Variants in MGAM observed in about 807,000 individuals in gnomAD.
MGAM encodes maltase-glucoamylase, also known as alpha-1,4-glucosidase.
In MGAM, 253 loss-of-function variants were observed where a neutral mutation model predicts 358.8. The ratio of observed to expected loss-of-function variants is 0.71; its 90% confidence interval spans 0.64 to 0.78. The LOEUF is 0.78. Among genes scored for constraint, MGAM ranks in the 30% least tolerant of loss-of-function variants. The probability of loss-of-function intolerance (pLI) is 0.00; values close to 1 mark genes in which losing one functional copy is unlikely to be tolerated. For synonymous variants in MGAM, 1,105 were observed against 1,227.1 expected, an observed-to-expected ratio of 0.90 and a Z score of 2.08; for missense variants, 3,080 against 3,432.6, an observed-to-expected ratio of 0.90 and a Z score of 2.57.
intron 30 of MGAM, among the ~76,000 whole-genome samples, chr7:142,057,386 A>T (rs1405990960): frequency 6.7e-6 from 1 of 149,826 alleles, no homozygotes; most frequent in Non-Finnish European, 1.5e-5. Flanking sequence ...GGTGGGGCTG[A>T]CGATGGTGTT....
chr7:142,056,862 T>A lies in MGAM; in HGVS notation c.3613T>A (p.Tyr1205Asn), dbSNP rs777913178. ...GTTCCAGCCCCTGCCTGCCTTGACATACCGCACCACAGGGGGAGTTCTGGA... is the reference window on the plus strand; with the variant it reads ...GTTCCAGCCCCTGCCTGCCTTGACAAACCGCACCACAGGGGGAGTTCTGGA... ...VTFQPLPALT[Y>N]RTTGGVLDFY... Residue 1205 changes from tyrosine to asparagine, a missense_variant, in exon 30 of 71, where the codon TAC becomes AAC. Tyr to Asn is a moderately radical substitution (Grantham distance 143). Transcript: ENST00000475668. The A allele has an allele frequency of 6.2e-7, 1 of 1,613,896 alleles. No individual in the cohort carries two copies. The highest frequency in any genetic ancestry group is 1.1e-5 in the South Asian group (1 of 91,082).
At chr7:142,003,771 TG>T (rs1242170926) in intron 1 of MGAM, among the ~76,000 whole-genome samples, 1 of 151,794 alleles carries the variant, frequency 6.6e-6, no homozygotes, top group East Asian at 1.9e-4. Context: ...ACCAACAGAA[TG>T]GGTTAAAATA....
chr7:142,079,102 T>C, intron 49 of MGAM, 94 bp downstream of exon 49: 1 of 1,107,798 alleles, frequency 9.0e-7, no homozygotes, highest in Non-Finnish European at 1.3e-6. Flanking sequence ...AATAAGTTAA[T>C]CATGCTACAT....
chr7:142,075,458 G>T lies in MGAM; in HGVS notation c.5276-745G>T, dbSNP rs550514751. Among the ~76,000 whole-genome samples, 76 of 146,284 alleles carry T rather than the reference G, an allele frequency of 5.2e-4. 5 individuals are homozygous for T. Among genetic ancestry groups the T allele is most frequent in the African/African-American group, 1.8e-3 (74 of 41,212 alleles). On this transcript the variant is annotated intron_variant, in intron 45 of 70. Transcript: ENST00000475668. The stretch of plus-strand genomic sequence containing the variant: ...AGGCGTGACTACATCAAACTAAAAG[G>T]CTCCTGCACAGCAAAAGAAACAATC...
At chr7:142,039,645 C>A (rs1748003665) in intron 19 of MGAM, among the ~76,000 whole-genome samples, 1 of 152,078 alleles carries the variant, frequency 6.6e-6, no homozygotes, top group Non-Finnish European at 1.5e-5. Context: ...TGACTTGCTC[C>A]ATGACGTAGA....
At chr7:142,096,008 G>A in intron 64 of MGAM, 1 of 600,708 alleles carries the variant, frequency 1.7e-6, no homozygotes, top group South Asian at 2.1e-5. Context: ...GTTATATGTA[G>A]CCAGATCACA....
chr7:142,082,839 C>T lies in MGAM; in HGVS notation c.6268+268C>T, dbSNP rs116734679. On this transcript the variant is annotated intron_variant, in intron 52 of 70. Transcript: ENST00000475668. Reference sequence around the variant, plus strand: ...GTCCCAAATGTCTTGGAGGTCAGCTCGTGAGAGCCAGTTATAAAATTTGAA... The same window carrying T: ...GTCCCAAATGTCTTGGAGGTCAGCTTGTGAGAGCCAGTTATAAAATTTGAA... Among the ~76,000 whole-genome samples, 306 of 145,748 alleles carry T rather than the reference C, an allele frequency of 2.1e-3. 7 individuals are homozygous for T. Among genetic ancestry groups the T allele is most frequent in the African/African-American group, 6.6e-3 (272 of 41,116 alleles).
intron 3 of MGAM, among the ~76,000 whole-genome samples, chr7:142,011,009 A>G (rs782361135): frequency 6.6e-6 from 1 of 152,186 alleles, no homozygotes; most frequent in Non-Finnish European, 1.5e-5. Context: ...ATACTTTTAA[A>G]TCCTTTGATT....
intron 66 of MGAM, among the ~76,000 whole-genome samples, chr7:142,099,192 C>T (rs1033286954): frequency 1.3e-5 from 2 of 152,134 alleles, no homozygotes; most frequent in Admixed American, 6.5e-5. Context: ...GGCTGACATC[C>T]GAGGATTCTG....
At chr7:142,012,658 T>C (rs542531626) in intron 3 of MGAM, among the ~76,000 whole-genome samples, 119 of 152,336 alleles carry the variant, frequency 7.8e-4, no homozygotes, top group African/African-American at 2.8e-3. Flanking sequence ...TTATATGTAG[T>C]GATTTTGTAA....
At chr7:141,994,788 C>G (rs1320896175), upstream of MGAM, among the ~76,000 whole-genome samples, 1 of 152,196 alleles carries the variant, frequency 6.6e-6, no homozygotes, top group Non-Finnish European at 1.5e-5. Flanking sequence ...CTTGCTCACT[C>G]TCTCTGGCCT....
Position 142,068,663 on chromosome 7 carries a change from C to T in MGAM, c.5021C>T (p.Thr1674Ile). ...TCATTTTAGAATGCCAGAAATGTCA[C>T]TGCATATTTCCCTAGAGCCCGTTGG... is the stretch of plus-strand genomic sequence containing the variant. The part of the protein sequence containing the change: ...PVLERNARNV[T>I]AYFPRARWYD... Residue 1674 changes from threonine to isoleucine, a missense_variant, in exon 43 of 71, where the codon ACT becomes ATT. By Grantham distance (89) the Thr-to-Ile change is moderately conservative (BLOSUM62 -1). Around this residue, in one of 5 missense-constraint regions of MGAM, gnomAD observed 932 missense variants for 1,198.2 expected, o/e 0.78. Coordinates refer to ENST00000475668, the MANE Select transcript of MGAM (RefSeq NM_001365693.1). 6.5e-7 allele frequency: 1 copy of T among 1,539,820 alleles called. No individual in the cohort carries two copies. The highest frequency in any genetic ancestry group is 8.9e-7 in the Non-Finnish European group (1 of 1,119,628).
intron 4 of MGAM, among the ~76,000 whole-genome samples, chr7:142,020,505 G>A (rs1459066425): frequency 2.6e-5 from 4 of 151,576 alleles, no homozygotes; most frequent in Non-Finnish European, 4.4e-5. Flanking sequence ...GATAGTATGT[G>A]CGTATGATGG....
At position 142,034,368 on chromosome 7, in the gene MGAM, C is replaced by T. The variant is rs191698936; in HGVS notation, c.1776C>T (p.Val592=). The T allele has an allele frequency of 2.5e-3, 3,861 of 1,573,836 alleles. 10 individuals carry two copies. Among genetic ancestry groups the T allele is most frequent in the Non-Finnish European group, 2.9e-3 (3,343 of 1,157,858 alleles). Residue 592 remains valine (V), a synonymous_variant, in exon 15 of 71, where the codon GTC becomes GTT. Coordinates refer to ENST00000475668, the MANE Select transcript of MGAM (RefSeq NM_001365693.1). ...IHNLYGYSMA[V]ATAEAAKTVF... ...ATCTGTATGGCTACTCCATGGCGGT[C>T]GCCACAGCAGAGTAAGGCCACTATG...
At chr7:142,092,188 GGA>G in intron 58 of MGAM, 141 bp downstream of exon 58, 3 of 1,215,884 alleles carry the variant, frequency 2.5e-6, no homozygotes, top group African/African-American at 2.9e-5. Flanking sequence ...CCTCCTCTCA[GGA>G]GAGGAACAGC....
intron 58 of MGAM, 55 bp downstream of exon 58, chr7:142,092,102 T>C: frequency 6.6e-7 from 1 of 1,524,302 alleles, no homozygotes; most frequent in Non-Finnish European, 9.0e-7. Context: ...TTTGTGTGCC[T>C]ACGTGTATGT....
chr7:142,022,112 C>A (rs916262053), intron 6 of MGAM, among the ~76,000 whole-genome samples, 156 bp from the exon 7 acceptor site: 4 of 152,138 alleles, frequency 2.6e-5, no homozygotes, highest in African/African-American at 4.8e-5. Flanking sequence ...GAGTCCTTAT[C>A]TCTTGTTTTC....
chr7:142,074,339 C>T (rs553849797), intron 45 of MGAM, among the ~76,000 whole-genome samples, 166 bp downstream of exon 45: 2 of 145,890 alleles, frequency 1.4e-5, no homozygotes, highest in Non-Finnish European at 3.1e-5. Flanking sequence ...TAGTGGTGGA[C>T]GAACTACTGA....
rs1816802519 is a variant in MGAM at position 142,105,686 on chromosome 7, C to A, written c.8185-128C>A. 9.0e-6 allele frequency: 6 copies of A among 668,590 alleles called. No homozygotes were observed. The Admixed American group carries it at 1.6e-4, about 18-fold the overall frequency. The allele number at this position is 668,590 out of a possible 1,614,324, so 41.4% of individuals were successfully genotyped here. A position where few individuals can be genotyped will look rare whatever the true frequency, so the allele number is the denominator to read the frequency against. ...TCTCATCTGAAACTTTGAAGGCAGT[C>A]TTTTAACTAGACAATACAATGTAGA... On this transcript the variant is annotated intron_variant, in intron 70 of 70. Coordinates refer to ENST00000475668, the MANE Select transcript of MGAM (RefSeq NM_001365693.1).
Sources: gnomAD v4.1 joint callset for allele counts (sites outside exome capture counted in the v4.1 genomes callset) on GRCh38, gnomAD v4.1.1 for gene constraint, gnomAD v4.1.1 regional missense constraint, MANE v1.5 for transcripts, NCBI Gene and HGNC (gene_info 2026-07-23, HGNC 2026-07-21) for gene names.